Variants in STXBP5L observed in about 807,000 individuals in gnomAD.
STXBP5L encodes syntaxin-binding protein 5-like.
In STXBP5L, 65 loss-of-function variants were observed where a neutral mutation model predicts 144.5. That is an observed-to-expected ratio of 0.45 (90% CI 0.37 to 0.55). The LOEUF (loss-of-function observed/expected upper bound fraction) is 0.55. Among genes scored for constraint, STXBP5L ranks in the 20% least tolerant of loss-of-function variants. The pLI is 0.00. For synonymous variants in STXBP5L, 505 were observed against 469.6 expected (o/e 1.08, Z -0.97); for missense variants, 1,298 against 1,405.5 (o/e 0.92, Z 1.22).
At chr3:121,076,183 G>A (rs74433285) in intron 5 of STXBP5L, among the ~76,000 whole-genome samples, 2,860 of 152,260 alleles carry the variant, frequency 0.019, 34 homozygotes, top group Middle Eastern at 0.041. Flanking sequence ...GGCATGGCCC[G>A]ACCTAAGGCA....
intron 20 of STXBP5L, among the ~76,000 whole-genome samples, chr3:121,349,238 G>A (rs932245118): frequency 3.9e-5 from 6 of 152,064 alleles, no homozygotes; most frequent in African/African-American, 1.5e-4. Flanking sequence ...TCAGGAGCAG[G>A]TTGTTCAGTT....
intron 3 of STXBP5L, among the ~76,000 whole-genome samples, chr3:120,977,282 C>T (rs1411829001): frequency 4.6e-5 from 7 of 152,140 alleles, no homozygotes; most frequent in South Asian, 2.1e-4. Context: ...TTGAATTGAT[C>T]CCTTTACCAT....
chr3:121,266,410 TG>T (rs2050568691), intron 18 of STXBP5L, among the ~76,000 whole-genome samples: 1 of 152,182 alleles, frequency 6.6e-6, no homozygotes, highest in African/African-American at 2.4e-5. Context: ...AAAAGACCTT[TG>T]ATAAAATTCA....
intron 19 of STXBP5L, among the ~76,000 whole-genome samples, chr3:121,284,027 T>C (rs977655682): frequency 2.0e-5 from 3 of 151,942 alleles, no homozygotes; most frequent in African/African-American, 7.2e-5. Flanking sequence ...TGTAATTATT[T>C]TATGCTAAGA....
chr3:120,992,718 C>T (rs763747085), intron 3 of STXBP5L, among the ~76,000 whole-genome samples: 3 of 151,854 alleles, frequency 2.0e-5, no homozygotes, highest in Non-Finnish European at 4.4e-5. Flanking sequence ...GGAAACTTAG[C>T]TTGATTCTAT....
intron 2 of STXBP5L, among the ~76,000 whole-genome samples, chr3:120,944,379 A>T (rs919426766): frequency 6.6e-6 from 1 of 151,718 alleles, no homozygotes; most frequent in East Asian, 1.9e-4. Context: ...GACTTGTTAA[A>T]CTATGTGCAT....
intron 9 of STXBP5L, chr3:121,158,131 G>A (rs2046186165): frequency 6.6e-6 from 1 of 152,428 alleles, no homozygotes; most frequent in African/African-American, 2.4e-5. Context: ...ACATTGAGAA[G>A]AGCATTTTAA....
intron 4 of STXBP5L, among the ~76,000 whole-genome samples, chr3:121,045,032 G>A (rs112825352): frequency 6.6e-6 from 1 of 152,206 alleles, no homozygotes; most frequent in African/African-American, 2.4e-5. Flanking sequence ...TATATGACCT[G>A]TATTCAATTT....
At chr3:121,416,030 A>C (rs1281339767) in intron 25 of STXBP5L, 62 bp downstream of exon 25, 1 of 1,296,466 alleles carries the variant, frequency 7.7e-7, no homozygotes, top group East Asian at 2.4e-5. Flanking sequence ...GTGTATGTGT[A>C]TTTGTGTGTG....
At chr3:121,213,744 G>A (rs565920888) in intron 10 of STXBP5L, among the ~76,000 whole-genome samples, 1 of 152,152 alleles carries the variant, frequency 6.6e-6, no homozygotes, top group Non-Finnish European at 1.5e-5. Flanking sequence ...AGTTAGGGAG[G>A]AGTCTCTCTT....
Position 121,381,470 on chromosome 3 carries a change from C to G in STXBP5L, c.2525C>G (p.Ser842Cys). 6.3e-7 allele frequency: 1 copy of G among 1,597,184 alleles called. No homozygotes were observed. The highest frequency in any genetic ancestry group is 8.5e-7 in the Non-Finnish European group (1 of 1,175,604). Residue 842 changes from serine (S) to cysteine (C), a missense_variant, in exon 22 of 27, where the codon TCC (serine) becomes TGC (cysteine). Ser to Cys is a moderately radical substitution (Grantham distance 112, BLOSUM62 -1). Transcript: ENST00000471454. ...GTSLGMVLIISLNLPLADEQR... is the reference protein window; with the variant it reads ...GTSLGMVLIICLNLPLADEQR... ...AGTCTGGGAATGGTGTTAATCATCT[C>G]CTTAAACCTACCATTAGCAGATGAA...
At chr3:121,003,493 G>T (rs931261431) in intron 3 of STXBP5L, among the ~76,000 whole-genome samples, 89 of 152,198 alleles carry the variant, frequency 5.8e-4, no homozygotes, top group Middle Eastern at 3.4e-3. Flanking sequence ...TTTCTCCCAT[G>T]CTCTAGGTTG....
chr3:121,237,493 C>G (rs907695880), intron 12 of STXBP5L, among the ~76,000 whole-genome samples: 1 of 152,180 alleles, frequency 6.6e-6, no homozygotes, highest in Non-Finnish European at 1.5e-5. Flanking sequence ...TTCTGAAATG[C>G]CTTTTGTCCA....
intron 2 of STXBP5L, among the ~76,000 whole-genome samples, chr3:120,951,636 A>G (rs1043038186): frequency 1.3e-5 from 2 of 152,158 alleles, no homozygotes; most frequent in African/African-American, 4.8e-5. Flanking sequence ...AATGGCAATC[A>G]TTAAAAAGTC....
chr3:121,418,630 G>C, intron 26 of STXBP5L, 73 bp downstream of exon 26: 2 of 1,408,952 alleles, frequency 1.4e-6, no homozygotes, highest in Non-Finnish European at 1.9e-6. Flanking sequence ...GCACAAGAAA[G>C]CTTAAACAGA....
At chr3:121,214,136 G>T (rs747630051) in intron 10 of STXBP5L, among the ~76,000 whole-genome samples, 22 of 151,950 alleles carry the variant, frequency 1.4e-4, no homozygotes, top group Admixed American at 1.0e-3. Flanking sequence ...TATGTATTTT[G>T]TTAATCTTTT....
intron 5 of STXBP5L, among the ~76,000 whole-genome samples, chr3:121,105,680 C>A (rs2043669831): frequency 6.6e-6 from 1 of 151,652 alleles, no homozygotes; most frequent in Non-Finnish European, 1.5e-5. Context: ...TAAAAAAAAG[C>A]TGTTAGAATA....
intron 20 of STXBP5L, among the ~76,000 whole-genome samples, chr3:121,322,823 G>A (rs193068270): frequency 2.6e-5 from 4 of 152,152 alleles, no homozygotes; most frequent in East Asian, 1.9e-4. Context: ...CAATATATAA[G>A]TGTTCCCTTT....
chr3:121,345,148 A>G (rs1224284085), intron 20 of STXBP5L, among the ~76,000 whole-genome samples: 2 of 151,860 alleles, frequency 1.3e-5, no homozygotes, highest in African/African-American at 4.8e-5. Flanking sequence ...TCCTAATGCT[A>G]TCCCTCCCGC....
Sources: allele counts gnomAD v4.1 joint callset (sites outside exome capture counted in the v4.1 genomes callset), GRCh38; gene constraint gnomAD v4.1.1; transcripts MANE v1.5; gene names NCBI Gene and HGNC (gene_info 2026-07-23, HGNC 2026-07-21).